Variants in MRPS25 observed in about 807,000 individuals in gnomAD.
MRPS25 encodes the protein small ribosomal subunit protein mS25.
MRPS25 carries 15 observed loss-of-function variants against 17.3 expected under a neutral mutation model. The ratio of observed to expected loss-of-function variants is 0.87; its 90% CI spans 0.58 to 1.34. The LOEUF is 1.34. MRPS25 is among the 40% of genes most tolerant of loss of function. MRPS25 has a pLI of 0.00. For synonymous variants in MRPS25, 94 were observed against 83.3 expected (o/e 1.13, Z -0.70); for missense variants, 225 against 218.6 (o/e 1.03, Z -0.19).
Position 15,050,572 on chromosome 3 carries a change from GTCAAGAC to G in MRPS25, c.*1862_*1868del, listed in dbSNP as rs1305936717. The G allele has an allele frequency of 1.0e-6, 1 of 985,476 alleles. No individual in the cohort carries two copies. The highest frequency in any genetic ancestry group is 1.2e-6 in the Non-Finnish European group (1 of 830,000). 61.0% of individuals were successfully genotyped at this position (985,476 alleles called of 1,614,324 possible). The stretch of plus-strand genomic sequence containing the variant: ...GAACGCCCAGGCAGGTGGTATCAAG[GTCAAGAC>G]TTCAGTCAGTTGGGTGGGGAACTGA... On this transcript the variant is annotated 3_prime_UTR_variant, in exon 4 of 4. Transcript: ENST00000253686.
At chr3:15,043,055 G>A (rs568041672), downstream of MRPS25, 76 of 1,523,430 alleles carry the variant, frequency 5.0e-5, no homozygotes, top group Middle Eastern at 3.5e-4. Flanking sequence ...TTCCAGGACC[G>A]TTCACATACA....
chr3:15,056,201 C>T (rs112601879), intron 2 of MRPS25, among the ~76,000 whole-genome samples: 11 of 149,594 alleles, frequency 7.4e-5, no homozygotes, highest in Non-Finnish European at 1.5e-4. Context: ...GGCGACAGAG[C>T]GAGACTCTGT....
Position 15,050,869 on chromosome 3 carries a change from G to A in MRPS25, c.*1572C>T. On this transcript the variant is annotated 3_prime_UTR_variant, in exon 4 of 4. Coordinates refer to ENST00000253686, the MANE Select transcript of MRPS25 (RefSeq NM_022497.5). ...GATCCAAATCTGCTCAATTTAATGTGATAATCTCCAACAGTTAATGAAACA... is the reference window on the plus strand; with the variant it reads ...GATCCAAATCTGCTCAATTTAATGTAATAATCTCCAACAGTTAATGAAACA... 1.0e-6 allele frequency: 1 copy of A among 985,302 alleles called. No individual in the cohort carries two copies. Among genetic ancestry groups the A allele is most frequent in the Middle Eastern group, 5.2e-4 (1 of 1,914 alleles). The allele number at this position is 985,302 out of a possible 1,614,324, so 61.0% of individuals were successfully genotyped here. A position where few individuals can be genotyped will look rare whatever the true frequency, so the allele number is the denominator to read the frequency against.
chr3:15,042,649 T>C, downstream of MRPS25: 1 of 568,932 alleles, frequency 1.8e-6, no homozygotes, highest in Non-Finnish European at 3.1e-6. Flanking sequence ...TTTGTACTCA[T>C]TTGGTTTTTT....
At chr3:15,042,897 A>G (rs199626604), downstream of MRPS25, 1 of 1,613,854 alleles carries the variant, frequency 6.2e-7, no homozygotes, top group Non-Finnish European at 8.5e-7. Flanking sequence ...TAACAGAAGA[A>G]CTTTTTTTTA....
At chr3:15,063,291 C>T in intron 1 of MRPS25, among the ~76,000 whole-genome samples, 1 of 152,200 alleles carries the variant, frequency 6.6e-6, no homozygotes, top group East Asian at 1.9e-4. Flanking sequence ...ACCACTTGTT[C>T]AGGGTAGAAC....
rs1023870533 is a variant in MRPS25 at position 15,065,248 on chromosome 3, G to A, written c.-54C>T. 6.5e-7 allele frequency: 1 copy of A among 1,534,924 alleles called. No homozygotes were observed. The highest frequency in any genetic ancestry group is 8.8e-7 in the Non-Finnish European group (1 of 1,142,150). On this transcript the variant is annotated 5_prime_UTR_variant, in exon 1 of 4. Coordinates refer to ENST00000253686, the MANE Select transcript of MRPS25 (RefSeq NM_022497.5). ...CGGGCCGCGAGCCGAGCAGCGACGA[G>A]AAAGGACTAGCTAGCACCCGCGCGG...
At chr3:15,063,512 C>A (rs910996940) in intron 1 of MRPS25, among the ~76,000 whole-genome samples, 6 of 152,140 alleles carry the variant, frequency 3.9e-5, no homozygotes, top group Non-Finnish European at 1.5e-5. Flanking sequence ...GCAAGGCAGA[C>A]AGACTCCAAC....
At chr3:15,059,700 T>C (rs2042723036) in intron 1 of MRPS25, among the ~76,000 whole-genome samples, 1 of 152,160 alleles carries the variant, frequency 6.6e-6, no homozygotes, top group South Asian at 2.1e-4. Context: ...CAACCTGTAC[T>C]GCAAGCTAAC....
chr3:15,059,622 C>G (rs1430877271), intron 1 of MRPS25, 147 bp from the exon 2 acceptor site: 2 of 636,400 alleles, frequency 3.1e-6, no homozygotes, highest in African/African-American at 1.8e-5. Flanking sequence ...CAGGGATCCT[C>G]TTAGAAGATT....
chr3:15,051,508 C>T lies in MRPS25; in HGVS notation c.*933G>A. ...TAGCTAAACCTATTCTTAAGGTGACCCTAGAAGGCTCTGCTGTCTTCTGGA... is the reference window on the plus strand; with the variant it reads ...TAGCTAAACCTATTCTTAAGGTGACTCTAGAAGGCTCTGCTGTCTTCTGGA... On this transcript the variant is annotated 3_prime_UTR_variant, in exon 4 of 4. Coordinates refer to ENST00000253686, the MANE Select transcript of MRPS25 (RefSeq NM_022497.5). 2.0e-6 allele frequency: 2 copies of T among 985,328 alleles called. No individual in the cohort carries two copies. The highest frequency in any genetic ancestry group is 2.4e-6 in the Non-Finnish European group (2 of 829,900). 61.0% of individuals were successfully genotyped at this position (985,328 alleles called of 1,614,324 possible). A position where few individuals can be genotyped will look rare whatever the true frequency, so the allele number is the denominator to read the frequency against.
downstream of MRPS25, chr3:15,046,007 T>C (rs1201730231): frequency 1.3e-5 from 2 of 152,210 alleles, no homozygotes; most frequent in Non-Finnish European, 2.9e-5. Flanking sequence ...CACATTAGCA[T>C]AAAACAGGAC....
rs748511826 is a variant in MRPS25, at chr3:15,052,637, C to A, written c.330-4G>T. 24 of 1,612,846 alleles carry A rather than the reference C, an allele frequency of 1.5e-5. No homozygotes were observed. Among genetic ancestry groups the A allele is most frequent in the Non-Finnish European group, 1.9e-5 (22 of 1,179,382 alleles). ...CTCCTCTTCCCTGAGGGTTTCCCTGCCAAAGAGCACAGACGGCAACCAAGC... is the reference window on the plus strand; with the variant it reads ...CTCCTCTTCCCTGAGGGTTTCCCTGACAAAGAGCACAGACGGCAACCAAGC... On this transcript the variant is annotated splice_region_variant and splice_polypyrimidine_tract_variant and intron_variant, in intron 3 of 3. Transcript: ENST00000253686.
chr3:15,042,815 A>G, downstream of MRPS25: 1 of 1,609,820 alleles, frequency 6.2e-7, no homozygotes, highest in South Asian at 1.1e-5. Flanking sequence ...TCCTTTTCTA[A>G]TGACACTCCC....
intron 1 of MRPS25, among the ~76,000 whole-genome samples, chr3:15,060,391 T>G (rs1234740213): frequency 3.9e-5 from 6 of 151,918 alleles, no homozygotes; most frequent in African/African-American, 4.8e-5. Context: ...TACATGCTGG[T>G]GGTCCCAGCT....
At chr3:15,047,445 T>C (rs2125122168), downstream of MRPS25, 1 of 152,376 alleles carries the variant, frequency 6.6e-6, no homozygotes, top group African/African-American at 2.4e-5. Flanking sequence ...TTTAACCTTT[T>C]CATGCACCTA....
rs577185283 is a variant in MRPS25 at position 15,061,382 on chromosome 3, G to C, written c.135-1907C>G. ...AGGCGCGCGCTGCCACGCCTGACTG[G>C]TTTTCGTATTTTTTTGGTGGAGACG... On this transcript the variant is annotated intron_variant, in intron 1 of 3. Coordinates refer to ENST00000253686, the MANE Select transcript of MRPS25 (RefSeq NM_022497.5). 4.9e-4 allele frequency among the ~76,000 whole-genome samples: 74 copies of C among 152,298 alleles called. 2 individuals carry two copies. The East Asian group carries it at 0.012, about 25-fold the overall frequency.
At position 15,065,239 on chromosome 3, in the gene MRPS25, C is replaced by A. The variant is rs370572333; in HGVS notation, c.-45G>T. On this transcript the variant is annotated 5_prime_UTR_variant, in exon 1 of 4. Coordinates refer to ENST00000253686, the MANE Select transcript of MRPS25 (RefSeq NM_022497.5). Reference sequence around the variant, plus strand: ...CCGACCCCACGGGCCGCGAGCCGAGCAGCGACGAGAAAGGACTAGCTAGCA... The same window carrying A: ...CCGACCCCACGGGCCGCGAGCCGAGAAGCGACGAGAAAGGACTAGCTAGCA... 6.2e-5 allele frequency: 96 copies of A among 1,547,648 alleles called. No homozygotes were observed. Among genetic ancestry groups the A allele is most frequent in the Middle Eastern group, 3.4e-4 (2 of 5,948 alleles).
chr3:15,059,268 C>G (rs1575070459), intron 2 of MRPS25, 101 bp downstream of exon 2: 1 of 816,080 alleles, frequency 1.2e-6, no homozygotes, highest in Non-Finnish European at 2.1e-6. Flanking sequence ...CACACCATGA[C>G]AGCGCACACT....
Sources: allele counts gnomAD v4.1 joint callset (sites outside exome capture counted in the v4.1 genomes callset), GRCh38; gene constraint gnomAD v4.1.1; transcripts MANE v1.5; gene names NCBI Gene and HGNC (gene_info 2026-07-23, HGNC 2026-07-21).